GRID1: variants seen among roughly 807,000 people sequenced by gnomAD.
GRID1 encodes glutamate ionotropic receptor delta type subunit 1.
Under a neutral mutation model 98.0 loss-of-function variants are expected in GRID1, and 28 were observed. The observed-to-expected ratio is 0.29, with a 90% confidence interval of 0.21 to 0.39. The LOEUF is 0.39. Among genes scored for constraint, GRID1 ranks in the 10% least tolerant of loss-of-function variants. The pLI, the probability that GRID1 is intolerant of heterozygous loss-of-function variation, is 1.00. For missense variants in GRID1, 1,111 were observed against 1,340.5 expected, an observed-to-expected ratio of 0.83 and a Z score of 2.67; for synonymous variants, 553 against 538.5, an observed-to-expected ratio of 1.03 and a Z score of -0.37.
At position 85,886,058 on chromosome 10, in the gene GRID1, ACCCAGAGC is replaced by A. The variant is rs1409875212; in HGVS notation, c.781-16886_781-16879del. On this transcript the variant is annotated intron_variant, in intron 5 of 15. Transcript: ENST00000327946. ...AGAGCTGTGTCCTGCCTGGTCCCAG[ACCCAGAGC>A]TGTGTCCTGCCTGGTCCCAGACCAC... Among the ~76,000 whole-genome samples, 157 of 150,210 alleles carry A rather than the reference ACCCAGAGC, an allele frequency of 1.0e-3. 1 individual carries two copies. Among genetic ancestry groups the A allele is most frequent in the African/African-American group, 3.6e-3 (143 of 39,646 alleles).
At chr10:85,706,749 G>C (rs942885548) in intron 12 of GRID1, among the ~76,000 whole-genome samples, 1 of 152,162 alleles carries the variant, frequency 6.6e-6, no homozygotes, top group Non-Finnish European at 1.5e-5. Context: ...GCATGGTACT[G>C]GTACCAAAAC....
At chr10:86,018,275 T>C (rs769136809) in intron 4 of GRID1, among the ~76,000 whole-genome samples, 1 of 152,152 alleles carries the variant, frequency 6.6e-6, no homozygotes, top group Non-Finnish European at 1.5e-5. Context: ...AACCCTGGCA[T>C]CAGAAAGCTC....
intron 4 of GRID1, among the ~76,000 whole-genome samples, chr10:86,124,868 T>C (rs949002067): frequency 1.1e-4 from 17 of 152,142 alleles, no homozygotes; most frequent in Admixed American, 2.0e-4. Context: ...GAAACCTTAG[T>C]CCCAGGCTCT....
At chr10:85,721,614 C>A (rs1359952836) in intron 12 of GRID1, among the ~76,000 whole-genome samples, 1 of 152,190 alleles carries the variant, frequency 6.6e-6, no homozygotes, top group Non-Finnish European at 1.5e-5. Flanking sequence ...AGGCATTATT[C>A]CATTTATATC....
At chr10:85,732,819 C>T (rs1333939263) in intron 8 of GRID1, among the ~76,000 whole-genome samples, 2 of 152,180 alleles carry the variant, frequency 1.3e-5, no homozygotes, top group East Asian at 3.8e-4. Flanking sequence ...AAGCCTTCCT[C>T]ATCCAGAGCC....
At chr10:85,752,046 C>T (rs960485140) in intron 8 of GRID1, among the ~76,000 whole-genome samples, 3 of 152,116 alleles carry the variant, frequency 2.0e-5, no homozygotes, top group Admixed American at 1.3e-4. Context: ...TTCTTTAATC[C>T]ACATTATTTA....
intron 4 of GRID1, among the ~76,000 whole-genome samples, chr10:86,043,995 A>G (rs903157542): frequency 2.6e-5 from 4 of 152,230 alleles, no homozygotes; most frequent in African/African-American, 7.2e-5. Context: ...TGTGCTCAAT[A>G]GTAAGAAAGT....
chr10:86,144,854 A>G (rs962389017), intron 3 of GRID1, among the ~76,000 whole-genome samples: 1 of 152,094 alleles, frequency 6.6e-6, no homozygotes, highest in African/African-American at 2.4e-5. Flanking sequence ...GGAAGCCCAC[A>G]TCCTGGACTG....
intron 3 of GRID1, among the ~76,000 whole-genome samples, chr10:86,158,379 T>C (rs143264116): frequency 6.6e-6 from 1 of 152,312 alleles, no homozygotes; most frequent in East Asian, 1.9e-4. Flanking sequence ...GCCCAGTGAA[T>C]TGCAGCTACG....
intron 12 of GRID1, among the ~76,000 whole-genome samples, chr10:85,669,723 T>G (rs1347505570): frequency 6.6e-6 from 1 of 152,230 alleles, no homozygotes; most frequent in Admixed American, 6.5e-5. Context: ...GATCTTATCC[T>G]GAGGCCCCCT....
At chr10:85,688,761 C>T (rs1302285120) in intron 12 of GRID1, among the ~76,000 whole-genome samples, 3 of 152,114 alleles carry the variant, frequency 2.0e-5, no homozygotes, top group Admixed American at 6.6e-5. Context: ...TTTAGGGTCG[C>T]GCTAATGAGC....
intron 4 of GRID1, among the ~76,000 whole-genome samples, chr10:85,939,462 G>A (rs1420960024): frequency 6.6e-6 from 1 of 152,134 alleles, no homozygotes; most frequent in African/African-American, 2.4e-5. Flanking sequence ...CCTGTCTAGA[G>A]GCCCTAGGAT....
intron 8 of GRID1, among the ~76,000 whole-genome samples, chr10:85,765,305 G>C (rs2132703097): frequency 6.6e-6 from 1 of 152,290 alleles, no homozygotes; most frequent in South Asian, 2.1e-4. Flanking sequence ...GCACGGGCTG[G>C]CTTAGGCCTC....
intron 4 of GRID1, among the ~76,000 whole-genome samples, chr10:85,952,974 T>C (rs559028896): frequency 6.6e-6 from 1 of 152,332 alleles, no homozygotes; most frequent in East Asian, 1.9e-4. Flanking sequence ...ACTATATTTT[T>C]TTCTTATAAT....
At chr10:86,179,904 C>T (rs984975317) in intron 3 of GRID1, among the ~76,000 whole-genome samples, 5 of 152,222 alleles carry the variant, frequency 3.3e-5, no homozygotes, top group African/African-American at 1.2e-4. Context: ...ATTTATTACA[C>T]ACACACCTCA....
intron 4 of GRID1, among the ~76,000 whole-genome samples, chr10:85,928,440 C>G (rs529479765): frequency 2.2e-4 from 33 of 152,242 alleles, no homozygotes; most frequent in Non-Finnish European, 4.1e-4. Context: ...CTGCACAGTC[C>G]CCGTCCTCCA....
intron 2 of GRID1, chr10:86,264,772 C>T (rs755298683): frequency 6.1e-6 from 3 of 492,948 alleles, no homozygotes; most frequent in African/African-American, 1.9e-5. Flanking sequence ...GGCAGACAGA[C>T]GCCCAACACA....
intron 12 of GRID1, among the ~76,000 whole-genome samples, chr10:85,708,484 C>T (rs1841548563): frequency 6.6e-6 from 1 of 151,550 alleles, no homozygotes; most frequent in African/African-American, 2.4e-5. Context: ...ACCTAAAGCA[C>T]AATGATTCAA....
chr10:86,208,814 C>T (rs1379816103), intron 2 of GRID1, among the ~76,000 whole-genome samples: 1 of 152,228 alleles, frequency 6.6e-6, no homozygotes, highest in Non-Finnish European at 1.5e-5. Context: ...GAACACCATG[C>T]AAGAATTTCC....
Sources: allele counts gnomAD v4.1 joint callset (sites outside exome capture counted in the v4.1 genomes callset), GRCh38; gene constraint gnomAD v4.1.1; transcripts MANE v1.5; gene names NCBI Gene and HGNC (gene_info 2026-07-23, HGNC 2026-07-21).